The following DNAJC1 variants were observed in gnomAD, a reference collection of about 807,000 sequenced individuals.
The protein encoded by DNAJC1 is DnaJ heat shock protein family (Hsp40) member C1.
DNAJC1 carries 58 observed loss-of-function variants against 76.6 expected under a neutral mutation model. The ratio of observed to expected loss-of-function variants is 0.76; its 90% CI spans 0.61 to 0.94. DNAJC1 has a LOEUF of 0.94. Ranked by LOEUF, DNAJC1 falls within the 40% of genes least tolerant of loss-of-function variation. The pLI, the probability that DNAJC1 is intolerant of heterozygous loss-of-function variation, is 0.00. For synonymous variants in DNAJC1, 258 were observed against 267.9 expected (o/e 0.96, Z 0.36); for missense variants, 689 against 677.3 (o/e 1.02, Z -0.19).
At chr10:21,886,488 C>G (rs1836367792) in intron 7 of DNAJC1, among the ~76,000 whole-genome samples, 1 of 152,136 alleles carries the variant, frequency 6.6e-6, no homozygotes. Context: ...ATGAGGCCAG[C>G]ATCATCCTGA....
At chr10:21,917,745 T>TAAG (rs1373409263) in intron 6 of DNAJC1, among the ~76,000 whole-genome samples, 5 of 152,108 alleles carry the variant, frequency 3.3e-5, no homozygotes, top group Non-Finnish European at 4.4e-5. Flanking sequence ...AAACAAAATA[T>TAAG]AAGATTCTAT....
intron 1 of DNAJC1, among the ~76,000 whole-genome samples, chr10:21,938,542 G>T (rs117932120): frequency 2.6e-5 from 4 of 152,122 alleles, no homozygotes; most frequent in Non-Finnish European, 5.9e-5. Flanking sequence ...GGCTTTGTGG[G>T]TCAGTCTTCA....
In DNAJC1 at chr10:21,919,884, C is replaced by CAAG; in HGVS notation, c.582_583insCTT (p.Thr194_Gly195insLeu). Reference sequence around the variant, plus strand: ...TTTGATACATCCACACTCTTGCTGCCAGTCTTTTTTTTCTTTTCTCTCTTT... The same window carrying CAAG: ...TTTGATACATCCACACTCTTGCTGCCAAGAGTCTTTTTTTTCTTTTCTCTCTTT... On this transcript the variant is annotated inframe_insertion, in exon 5 of 12. Transcript: ENST00000376980. The CAAG allele has an allele frequency of 6.2e-7, 1 of 1,608,952 alleles. No individual in the cohort carries two copies. Among genetic ancestry groups the CAAG allele is most frequent in the Non-Finnish European group, 8.5e-7 (1 of 1,178,610 alleles).
intron 1 of DNAJC1, among the ~76,000 whole-genome samples, chr10:21,931,718 G>A (rs1036239628): frequency 5.3e-5 from 8 of 152,140 alleles, no homozygotes; most frequent in Non-Finnish European, 1.2e-4. Flanking sequence ...ACCCTGGTAC[G>A]TATTGGCTTG....
intron 1 of DNAJC1, among the ~76,000 whole-genome samples, chr10:21,947,349 T>G (rs548820955): frequency 6.6e-6 from 1 of 152,264 alleles, no homozygotes; most frequent in Admixed American, 6.5e-5. Context: ...CAAGTATGCC[T>G]GCCTCTCCTG....
intron 8 of DNAJC1, among the ~76,000 whole-genome samples, chr10:21,840,497 TC>T (rs1443608411): frequency 6.6e-6 from 1 of 152,118 alleles, no homozygotes; most frequent in Non-Finnish European, 1.5e-5. Context: ...GAAATCCCAT[TC>T]ACAATTGCTT....
chr10:21,800,868 CAT>C (rs1834805540), intron 9 of DNAJC1, among the ~76,000 whole-genome samples: 1 of 150,990 alleles, frequency 6.6e-6, no homozygotes, highest in Admixed American at 6.6e-5. Context: ...TTGCTATGAA[CAT>C]AGAGTTTTAT....
chr10:21,961,888 C>G (rs1369244698), intron 1 of DNAJC1, among the ~76,000 whole-genome samples: 2 of 152,158 alleles, frequency 1.3e-5, no homozygotes, highest in Non-Finnish European at 2.9e-5. Flanking sequence ...CTAACTTTCT[C>G]CACACTCAGG....
intron 9 of DNAJC1, among the ~76,000 whole-genome samples, chr10:21,799,749 C>T (rs564288866): frequency 2.6e-5 from 4 of 152,226 alleles, no homozygotes; most frequent in South Asian, 2.1e-4. Context: ...CCCATGTTGT[C>T]CTCTTCGATT....
At chr10:21,990,694 T>C (rs1291138275) in intron 1 of DNAJC1, among the ~76,000 whole-genome samples, 1 of 152,144 alleles carries the variant, frequency 6.6e-6, no homozygotes, top group Non-Finnish European at 1.5e-5. Flanking sequence ...ACTCGTGAGG[T>C]CTCCACCAAC....
Position 21,806,264 on chromosome 10 carries a change from G to T in DNAJC1, c.979-165C>A, listed in dbSNP as rs539748566. 1.1e-4 allele frequency among the ~76,000 whole-genome samples: 16 copies of T among 152,248 alleles called. No individual in the cohort carries two copies. In the South Asian group the frequency reaches 3.1e-3, roughly 30 times the overall value. On this transcript the variant is annotated intron_variant, in intron 8 of 11. Transcript: ENST00000376980. ...AATTGTATCTAATAGTTTCAATAAA[G>T]ATTTGAGCTGCATATTTAACACTGG...
At chr10:21,834,517 C>A (rs113095729) in intron 8 of DNAJC1, among the ~76,000 whole-genome samples, 3 of 152,176 alleles carry the variant, frequency 2.0e-5, no homozygotes, top group African/African-American at 7.2e-5. Context: ...CGAAGCAGGG[C>A]GAGGCATCGC....
intron 1 of DNAJC1, among the ~76,000 whole-genome samples, chr10:21,993,997 A>G (rs1426338851): frequency 3.9e-5 from 6 of 152,154 alleles, no homozygotes; most frequent in Admixed American, 3.3e-4. Context: ...AAAGCTACAG[A>G]TTTATTACTT....
At chr10:21,926,801 C>T (rs1345426748) in intron 3 of DNAJC1, among the ~76,000 whole-genome samples, 1 of 152,038 alleles carries the variant, frequency 6.6e-6, no homozygotes, top group Non-Finnish European at 1.5e-5. Flanking sequence ...TTTTTTCTAT[C>T]AACTGTCTAA....
At chr10:21,995,625 T>G (rs975555546) in intron 1 of DNAJC1, among the ~76,000 whole-genome samples, 1 of 152,240 alleles carries the variant, frequency 6.6e-6, no homozygotes, top group Non-Finnish European at 1.5e-5. Context: ...GCACAGAGCT[T>G]AATGCCTACT....
chr10:21,988,902 A>T (rs942757939), intron 1 of DNAJC1, among the ~76,000 whole-genome samples: 1 of 152,150 alleles, frequency 6.6e-6, no homozygotes, highest in Non-Finnish European at 1.5e-5. Context: ...AAATTTTTCT[A>T]AATAGTTTCA....
At chr10:21,859,581 A>G (rs1835890677) in intron 8 of DNAJC1, among the ~76,000 whole-genome samples, 1 of 151,268 alleles carries the variant, frequency 6.6e-6, no homozygotes, top group South Asian at 2.1e-4. Flanking sequence ...AGACATAGAC[A>G]TAGGGGTTAC....
intron 4 of DNAJC1, chr10:21,920,494 A>G (rs1184501409): frequency 5.1e-6 from 1 of 197,530 alleles, no homozygotes; most frequent in East Asian, 1.2e-4. Context: ...AGTCTTAAAT[A>G]AAAAATATTT....
At chr10:21,852,866 T>C (rs1835778879) in intron 8 of DNAJC1, among the ~76,000 whole-genome samples, 1 of 152,160 alleles carries the variant, frequency 6.6e-6, no homozygotes, top group African/African-American at 2.4e-5. Flanking sequence ...GCTTATATTG[T>C]GGAGGGTGGA....
Sources: allele counts gnomAD v4.1 joint callset (sites outside exome capture counted in the v4.1 genomes callset), GRCh38; gene constraint gnomAD v4.1.1; transcripts MANE v1.5; gene names NCBI Gene and HGNC (gene_info 2026-07-23, HGNC 2026-07-21).